GAD1: variants seen among roughly 807,000 people sequenced by gnomAD.
GAD1 encodes the protein 67 kDa glutamic acid decarboxylase.
In GAD1, 35 loss-of-function variants were observed where a neutral mutation model predicts 75.2. The observed-to-expected ratio is 0.47, with a 90% CI of 0.36 to 0.62. The LOEUF is 0.62. Ranked by LOEUF, GAD1 falls within the 20% of genes least tolerant of loss-of-function variation. The pLI, the probability that GAD1 is intolerant of heterozygous loss-of-function variation, is 0.00. For missense variants in GAD1, 490 were observed against 758.5 expected (o/e 0.65, Z 4.16); for synonymous variants, 257 against 271.9 (o/e 0.95, Z 0.54).
chr2:170,836,303 C>T (rs1308904703), intron 5 of GAD1, among the ~76,000 whole-genome samples: 1 of 152,078 alleles, frequency 6.6e-6, no homozygotes, highest in Non-Finnish European at 1.5e-5. Flanking sequence ...AACTTGGCAA[C>T]AATCCTGAAT....
chr2:170,818,764 G>A lies in GAD1; in HGVS notation c.82+91G>A. Reference sequence around the variant, plus strand: ...AGGCTGAGCTGGCGGAAAGGGAAGGGGGAGCGCGGAGATAATGGAGGCTGG... The same window carrying A: ...AGGCTGAGCTGGCGGAAAGGGAAGGAGGAGCGCGGAGATAATGGAGGCTGG... On this transcript the variant is annotated intron_variant, in intron 2 of 16. Coordinates refer to ENST00000358196, the MANE Select transcript of GAD1 (RefSeq NM_000817.3). This position sits in a 1 kb window ranked among gnomAD's most constrained non-coding sequence, Gnocchi z 5.9. 1 of 1,247,170 alleles carries A rather than the reference G, an allele frequency of 8.0e-7. No individual in the cohort carries two copies. The highest frequency in any genetic ancestry group is 2.3e-5 in the East Asian group (1 of 42,904). 77.3% of individuals were successfully genotyped at this position (1,247,170 alleles called of 1,614,324 possible). A position where few individuals can be genotyped will look rare whatever the true frequency, so the allele number is the denominator to read the frequency against.
rs140947782 is a variant in GAD1, at chr2:170,860,795, A to C, written c.*913A>C. On this transcript the variant is annotated 3_prime_UTR_variant, in exon 17 of 17. Transcript: ENST00000358196. ...ATGATTTAAGCATTTTACTGTCTGT[A>C]AGAGAATTCTAAGATTGTACATAAA... 6.5e-5 allele frequency: 10 copies of C among 152,774 alleles called. No homozygotes were observed. Among genetic ancestry groups the C allele is most frequent in the Non-Finnish European group, 1.5e-4 (10 of 68,032 alleles). 9.5% of individuals were successfully genotyped at this position (152,774 alleles called of 1,614,324 possible).
At chr2:170,834,864 G>T (rs1459741619) in intron 5 of GAD1, among the ~76,000 whole-genome samples, 2 of 151,484 alleles carry the variant, frequency 1.3e-5, no homozygotes, top group African/African-American at 4.9e-5. Flanking sequence ...TCCCCTCTTG[G>T]GTTCAAGCGA....
chr2:170,822,357 T>C (rs1400717222), intron 3 of GAD1, among the ~76,000 whole-genome samples: 1 of 152,166 alleles, frequency 6.6e-6, no homozygotes, highest in Non-Finnish European at 1.5e-5. Context: ...AGGGGTCTTT[T>C]CCTCTGGAGT....
chr2:170,851,941 C>G (rs1366439496), intron 12 of GAD1, among the ~76,000 whole-genome samples: 1 of 152,112 alleles, frequency 6.6e-6, no homozygotes, highest in East Asian at 1.9e-4. Flanking sequence ...CCAGTCGAGC[C>G]TTGCTTTTAG....
chr2:170,829,648 A>G lies in GAD1; in HGVS notation c.304+15A>G, dbSNP rs369971544. 49 of 1,609,870 alleles carry G rather than the reference A, an allele frequency of 3.0e-5. No individual in the cohort carries two copies. The African/African-American group carries it at 6.3e-4, about 21-fold the overall frequency. On this transcript the variant is annotated intron_variant, in intron 4 of 16. Coordinates refer to ENST00000358196, the MANE Select transcript of GAD1 (RefSeq NM_000817.3). ...GTTTGCTAGAGGTAGCCCCTGCCCC[A>G]CTCCCGCCCCATGCTAGCCAGTAGA... is the stretch of plus-strand genomic sequence containing the variant.
intron 12 of GAD1, chr2:170,852,399 G>C: frequency 2.5e-6 from 1 of 402,912 alleles, no homozygotes; most frequent in South Asian, 2.3e-5. Flanking sequence ...GACTTAAACA[G>C]TTTGGCTCCA....
chr2:170,818,546 C>T lies in GAD1; in HGVS notation c.-46C>T, dbSNP rs1175236437. The T allele has an allele frequency of 1.3e-6, 2 of 1,549,092 alleles. No homozygotes were observed. The highest frequency in any genetic ancestry group is 1.8e-6 in the Non-Finnish European group (2 of 1,120,604). On this transcript the variant is annotated 5_prime_UTR_variant, in exon 2 of 17. Transcript: ENST00000358196. This position sits in a 1 kb window ranked among gnomAD's most constrained non-coding sequence, Gnocchi z 5.9. ...CTTTGCAGCCTGTTTCTGCGCCGGA[C>T]CAGTCGAGGACTCTGGACAGTAGAG...
intron 12 of GAD1, among the ~76,000 whole-genome samples, chr2:170,850,929 A>G (rs994482971): frequency 9.2e-5 from 14 of 152,128 alleles, no homozygotes; most frequent in African/African-American, 2.7e-4. Flanking sequence ...CTGGAGAATC[A>G]CTAGAACCTG....
At chr2:170,813,801 C>G (rs1701650907), upstream of GAD1, among the ~76,000 whole-genome samples, 1 of 152,186 alleles carries the variant, frequency 6.6e-6, no homozygotes, top group South Asian at 2.1e-4. Flanking sequence ...TTCCCAAGTC[C>G]CAGCGGTGGT....
chr2:170,824,287 C>T (rs142663262), intron 3 of GAD1, among the ~76,000 whole-genome samples: 2 of 152,240 alleles, frequency 1.3e-5, no homozygotes, highest in Admixed American at 6.5e-5. Flanking sequence ...ATTTTCCACA[C>T]CTTGAGACAA....
At chr2:170,841,290 T>A (rs1261957970) in intron 6 of GAD1, among the ~76,000 whole-genome samples, 1 of 152,220 alleles carries the variant, frequency 6.6e-6, no homozygotes, top group Non-Finnish European at 1.5e-5. Flanking sequence ...GAATCTAGGT[T>A]GCAAGAGAAG....
intron 10 of GAD1, among the ~76,000 whole-genome samples, chr2:170,846,958 C>T (rs970625173): frequency 4.6e-5 from 7 of 152,162 alleles, no homozygotes; most frequent in African/African-American, 1.7e-4. Context: ...GAGCCATGAT[C>T]GTGCCAATGC....
At chr2:170,825,536 A>T (rs1315310191) in intron 3 of GAD1, among the ~76,000 whole-genome samples, 1 of 152,250 alleles carries the variant, frequency 6.6e-6, no homozygotes. Flanking sequence ...TACACAGCTC[A>T]AAGCCCCACT....
At chr2:170,859,252 T>C (rs45555932) in intron 16 of GAD1, among the ~76,000 whole-genome samples, 1,753 of 152,360 alleles carry the variant, frequency 0.012, 41 homozygotes, top group African/African-American at 0.04. Flanking sequence ...CCCACTGTAA[T>C]GCTGATTCAT....
At chr2:170,829,746 G>C in intron 4 of GAD1, 113 bp downstream of exon 4, 1 of 1,205,194 alleles carries the variant, frequency 8.3e-7, no homozygotes, top group South Asian at 1.4e-5. Context: ...TATTCTCTCT[G>C]AACCCACATG....
At chr2:170,850,616 G>C (rs1305042421) in intron 12 of GAD1, among the ~76,000 whole-genome samples, 1 of 152,210 alleles carries the variant, frequency 6.6e-6, no homozygotes, top group Admixed American at 6.5e-5. Context: ...TCTGGCTTTT[G>C]TTACCTCTAC....
At chr2:170,846,181 C>A in intron 10 of GAD1, 118 bp downstream of exon 10, 1 of 893,784 alleles carries the variant, frequency 1.1e-6, no homozygotes, top group Non-Finnish European at 1.8e-6. Flanking sequence ...TTCTATTCTT[C>A]AAATTTGCTT....
rs1255351199 is a variant in GAD1, at chr2:170,844,160, A to AG, written c.751+5dup. 5 of 1,466,184 alleles carry AG rather than the reference A, an allele frequency of 3.4e-6. No homozygotes were observed. Among genetic ancestry groups the AG allele is most frequent in the Admixed American group, 1.7e-5 (1 of 59,802 alleles). The allele number at this position is 1,466,184 out of a possible 1,614,324, so 90.8% of individuals were successfully genotyped here. On this transcript the variant is annotated splice_donor_region_variant and intron_variant, in intron 7 of 16. Transcript: ENST00000358196. ...TGGTGATGGGATATTTTCTCCTGGT[A>AG]GGTTTCTCTTCTCTTCCTCTTCTCA... is the stretch of plus-strand genomic sequence containing the variant.
Sources: allele counts gnomAD v4.1 joint callset (sites outside exome capture counted in the v4.1 genomes callset), GRCh38; gene constraint gnomAD v4.1.1; non-coding constraint Gnocchi (gnomAD v3.1); transcripts MANE v1.5; gene names NCBI Gene and HGNC (gene_info 2026-07-23, HGNC 2026-07-21).